The following PTTG1IP variants were observed in gnomAD, a reference collection of about 807,000 sequenced individuals.
PTTG1IP encodes the protein pituitary tumor-transforming gene 1 protein-interacting protein.
A neutral mutation model predicts 24.4 loss-of-function variants in PTTG1IP; 16 were observed. The ratio of observed to expected loss-of-function variants is 0.66; its 90% CI spans 0.44 to 1.00. The LOEUF is 1.00. PTTG1IP is among the 50% of genes least tolerant of loss of function. PTTG1IP has a pLI of 0.00. For synonymous variants in PTTG1IP, 89 were observed against 96.8 expected, an observed-to-expected ratio of 0.92 and a Z score of 0.47; for missense variants, 241 against 245.8, an observed-to-expected ratio of 0.98 and a Z score of 0.13.
chr21:44,852,419 T>G (rs1350475899), intron 5 of PTTG1IP, among the ~76,000 whole-genome samples: 1 of 152,300 alleles, frequency 6.6e-6, no homozygotes, highest in East Asian at 1.9e-4. Context: ...CAACCTCAGG[T>G]GATCCACCAC....
chr21:44,861,355 G>T, intron 2 of PTTG1IP, 84 bp from the exon 3 acceptor site: 1 of 1,142,592 alleles, frequency 8.8e-7, no homozygotes, highest in Non-Finnish European at 1.3e-6. Flanking sequence ...GCCCGCCAGT[G>T]CTGCCATCGC....
At position 44,856,294 on chromosome 21, in the gene PTTG1IP, G is replaced by A. The variant is rs570334894; in HGVS notation, c.348C>T (p.Cys116=). Residue 116 remains cysteine, a synonymous_variant, in exon 4 of 6, where the codon TGC becomes TGT. Transcript: ENST00000330938. ...TCTTCCTCCTGCAGCAGCAGCAGCA[G>A]CAGATGGCAATGCCCAGGAGGAGGG... is the stretch of plus-strand genomic sequence containing the variant. ...GGTLLLGIAI[C]CCCCCRRKRS... is the part of the protein sequence containing the mutation. 1 of 1,614,174 alleles carries A rather than the reference G, an allele frequency of 6.2e-7. No individual in the cohort carries two copies. The highest frequency in any genetic ancestry group is 1.1e-5 in the South Asian group (1 of 91,080).
chr21:44,860,982 T>G (rs2083486664), intron 3 of PTTG1IP, among the ~76,000 whole-genome samples, 181 bp downstream of exon 3: 1 of 152,126 alleles, frequency 6.6e-6, no homozygotes, highest in South Asian at 2.1e-4. Flanking sequence ...TTTTGTATTT[T>G]TAATAGAGAC....
At chr21:44,872,054 T>C (rs1459659142) in intron 1 of PTTG1IP, among the ~76,000 whole-genome samples, 2 of 152,190 alleles carry the variant, frequency 1.3e-5, no homozygotes, top group African/African-American at 4.8e-5. Flanking sequence ...AACCTCATGG[T>C]TGTTTTCCTG....
At chr21:44,860,895 C>A (rs1322006436) in intron 3 of PTTG1IP, among the ~76,000 whole-genome samples, 1 of 152,170 alleles carries the variant, frequency 6.6e-6, no homozygotes, top group Admixed American at 6.5e-5. Context: ...ACTCCGCCTC[C>A]CGGGTTCAAG....
intron 3 of PTTG1IP, among the ~76,000 whole-genome samples, chr21:44,859,432 T>C (rs548237365): frequency 4.0e-5 from 6 of 151,570 alleles, no homozygotes; most frequent in Admixed American, 1.3e-4. Context: ...GCGGTCCATG[T>C]AGGCACACAC....
chr21:44,863,878 C>T (rs1012144518), intron 2 of PTTG1IP, among the ~76,000 whole-genome samples: 5 of 152,204 alleles, frequency 3.3e-5, no homozygotes, highest in African/African-American at 7.2e-5. Context: ...ACCTACGCTA[C>T]GGTCTCGTGG....
chr21:44,854,030 G>A (rs776897249), intron 5 of PTTG1IP, among the ~76,000 whole-genome samples: 1 of 152,184 alleles, frequency 6.6e-6, no homozygotes, highest in Non-Finnish European at 1.5e-5. Context: ...GAGCCACCCA[G>A]CGTTTACAGT....
rs1569319716 is a variant in PTTG1IP at position 44,851,263 on chromosome 21, G to A, written c.*318C>T. On this transcript the variant is annotated 3_prime_UTR_variant, in exon 6 of 6. Coordinates refer to ENST00000330938, the MANE Select transcript of PTTG1IP (RefSeq NM_004339.4). ...GCCCTGGGAGAATGACAGCCACAGC[G>A]CTGGGTGCCGTCAGGCGGCTTCGTG... is the stretch of plus-strand genomic sequence containing the variant. 9.1e-6 allele frequency: 12 copies of A among 1,321,652 alleles called. No individual in the cohort carries two copies. The highest frequency in any genetic ancestry group is 1.1e-5 in the Non-Finnish European group (11 of 990,674). The allele number at this position is 1,321,652 out of a possible 1,614,324, so 81.9% of individuals were successfully genotyped here.
chr21:44,871,492 T>C (rs1017211849), intron 1 of PTTG1IP, among the ~76,000 whole-genome samples: 1 of 152,244 alleles, frequency 6.6e-6, no homozygotes, highest in Non-Finnish European at 1.5e-5. Context: ...AGATCTTCAA[T>C]ACACCATGGG....
At chr21:44,863,267 C>T (rs1244013463) in intron 2 of PTTG1IP, among the ~76,000 whole-genome samples, 2 of 120,578 alleles carry the variant, frequency 1.7e-5, no homozygotes, top group South Asian at 2.9e-4. Flanking sequence ...GCCACGGCCT[C>T]GGCAACACAG....
At chr21:44,867,477 C>A (rs1002875002) in intron 1 of PTTG1IP, among the ~76,000 whole-genome samples, 8 of 152,168 alleles carry the variant, frequency 5.3e-5, no homozygotes, top group Non-Finnish European at 1.2e-4. Flanking sequence ...GGGTCTGTCT[C>A]GGTCGCGGCT....
At chr21:44,870,558 G>A (rs796284069) in intron 1 of PTTG1IP, among the ~76,000 whole-genome samples, 81 of 142,832 alleles carry the variant, frequency 5.7e-4, no homozygotes, top group African/African-American at 2.0e-3. Flanking sequence ...AGAAAGGCAT[G>A]AATCATTTGT....
chr21:44,857,318 T>C (rs2083456996), intron 3 of PTTG1IP, among the ~76,000 whole-genome samples: 1 of 152,120 alleles, frequency 6.6e-6, no homozygotes, highest in Non-Finnish European at 1.5e-5. Context: ...CCTGCCCATC[T>C]CTACAAAACT....
intron 1 of PTTG1IP, chr21:44,872,781 G>A (rs958947641): frequency 2.0e-5 from 3 of 152,358 alleles, no homozygotes; most frequent in African/African-American, 7.2e-5. Flanking sequence ...CTCTTGGATA[G>A]GAGCTCTGGC....
At position 44,865,314 on chromosome 21, in the gene PTTG1IP, G is replaced by A. The variant is rs2838719; in HGVS notation, c.168+81C>T. On this transcript the variant is annotated intron_variant, in intron 2 of 5. Coordinates refer to ENST00000330938, the MANE Select transcript of PTTG1IP (RefSeq NM_004339.4). Reference sequence around the variant, plus strand: ...AACAGAGCCCTCCACACATCCCAGCGAATCCCTGGACCTAGAGAAAGCCCG... The same window carrying A: ...AACAGAGCCCTCCACACATCCCAGCAAATCCCTGGACCTAGAGAAAGCCCG... 0.01 allele frequency: 14,199 copies of A among 1,418,668 alleles called. 1,121 individuals are homozygous for A. The African/African-American group carries it at 0.17, about 17-fold the overall frequency. 87.9% of individuals were successfully genotyped at this position (1,418,668 alleles called of 1,614,324 possible). A position where few individuals can be genotyped will look rare whatever the true frequency, so the allele number is the denominator to read the frequency against.
chr21:44,861,934 A>G lies in PTTG1IP; in HGVS notation c.169-663T>C, dbSNP rs2083495106. On this transcript the variant is annotated intron_variant, in intron 2 of 5. Coordinates refer to ENST00000330938, the MANE Select transcript of PTTG1IP (RefSeq NM_004339.4). The stretch of plus-strand genomic sequence containing the variant: ...TACCTCTGACCTTCACAACTGCACT[A>G]AGTCGCACAGCTTGAAAGATGATGC... The G allele has an allele frequency of 3.6e-5, 25 of 694,310 alleles. No individual in the cohort carries two copies. In the East Asian group the frequency reaches 6.7e-4, roughly 19 times the overall value. The allele number at this position is 694,310 out of a possible 1,614,324, so 43.0% of individuals were successfully genotyped here. A position where few individuals can be genotyped will look rare whatever the true frequency, so the allele number is the denominator to read the frequency against.
At chr21:44,857,559 A>G (rs777668453) in intron 3 of PTTG1IP, among the ~76,000 whole-genome samples, 2 of 152,252 alleles carry the variant, frequency 1.3e-5, no homozygotes, top group Non-Finnish European at 2.9e-5. Flanking sequence ...GCAGTAGATT[A>G]CCGCATGATT....
chr21:44,858,603 G>A (rs1240024257), intron 3 of PTTG1IP, among the ~76,000 whole-genome samples: 1 of 152,198 alleles, frequency 6.6e-6, no homozygotes, highest in African/African-American at 2.4e-5. Context: ...TCCCCTGCGG[G>A]ACCCTGCGTG....
Sources: allele counts gnomAD v4.1 joint callset (sites outside exome capture counted in the v4.1 genomes callset), GRCh38; gene constraint gnomAD v4.1.1; transcripts MANE v1.5; gene names NCBI Gene and HGNC (gene_info 2026-07-23, HGNC 2026-07-21).